Variants in MON2 observed in about 807,000 individuals in gnomAD.
MON2 encodes protein MON2 homolog.
In MON2, 84 loss-of-function variants were observed where a neutral mutation model predicts 208.6. That is an observed-to-expected ratio of 0.40 (90% CI 0.34 to 0.48). The LOEUF (loss-of-function observed/expected upper bound fraction) is 0.48. Ranked by LOEUF, MON2 falls within the 20% of genes least tolerant of loss-of-function variation. The pLI is 0.59. For synonymous variants in MON2, 660 were observed against 694.0 expected, an observed-to-expected ratio of 0.95 and a Z score of 0.77; for missense variants, 1,611 against 2,015.4, an observed-to-expected ratio of 0.80 and a Z score of 3.84.
At chr12:62,584,458 C>G (rs2075123238) in intron 32 of MON2, among the ~76,000 whole-genome samples, 1 of 152,120 alleles carries the variant, frequency 6.6e-6, no homozygotes, top group Non-Finnish European at 1.5e-5. Context: ...AATCTCAGCA[C>G]TTTGGGAAGC....
chr12:62,470,718 C>T (rs1315638666), intron 1 of MON2: 3 of 1,171,208 alleles, frequency 2.6e-6, no homozygotes, highest in Non-Finnish European at 3.2e-6. Context: ...TGAGGGGTAT[C>T]TAACTGAGCC....
At chr12:62,502,174 C>T (rs2070870975) in intron 7 of MON2, among the ~76,000 whole-genome samples, 1 of 152,018 alleles carries the variant, frequency 6.6e-6, no homozygotes, top group African/African-American at 2.4e-5. Flanking sequence ...GAGCCAAGAT[C>T]GCCTCACTTC....
intron 24 of MON2, among the ~76,000 whole-genome samples, chr12:62,554,569 A>G (rs1197536873): frequency 6.6e-6 from 1 of 152,178 alleles, no homozygotes; most frequent in East Asian, 1.9e-4. Context: ...ATCGTAGCAC[A>G]CTACAGCCTT....
chr12:62,588,384 T>TC (rs1555181058), intron 34 of MON2, among the ~76,000 whole-genome samples: 2 of 151,960 alleles, frequency 1.3e-5, no homozygotes, highest in Middle Eastern at 3.2e-3. Flanking sequence ...TTTTTTTTTT[T>TC]ACTATATTGT....
chr12:62,526,056 A>T lies in MON2; in HGVS notation c.1354A>T (p.Ile452Leu). The T allele has an allele frequency of 6.2e-7, 1 of 1,613,938 alleles. No homozygotes were observed. The highest frequency in any genetic ancestry group is 2.2e-5 in the East Asian group (1 of 44,866). The change falls in exon 11 of 35, where the codon ATA becomes TTA. Residue 452 changes from isoleucine to leucine, a missense_variant. By Grantham distance (5) the Ile-to-Leu change is conservative. Transcript: ENST00000393630. Reference protein sequence around the residue: ...LPAFEYRGTWIPILTITVQGS... With the variant: ...LPAFEYRGTWLPILTITVQGS... ...AGCATTTGAATATAGGGGAACCTGG[A>T]TACCTATTCTGACAATCACAGTTCA...
At chr12:62,585,103 A>ACC (rs2075167468) in intron 32 of MON2, among the ~76,000 whole-genome samples, 191 bp from the exon 33 acceptor site, 2 of 59,632 alleles carry the variant, frequency 3.4e-5, no homozygotes, top group South Asian at 1.0e-3. Flanking sequence ...ACACACACAC[A>ACC]CACACACAAA....
At chr12:62,490,718 T>TAAAAA (rs1466372388) in intron 2 of MON2, among the ~76,000 whole-genome samples, 1 of 152,202 alleles carries the variant, frequency 6.6e-6, no homozygotes, top group African/African-American at 2.4e-5. Context: ...GTTTTGTTGA[T>TAAAAA]CATTTATTCT....
In MON2 at chr12:62,494,062, T is replaced by A. The variant is rs762886717; in HGVS notation, c.303+20T>A. 3 of 1,600,816 alleles carry A rather than the reference T, an allele frequency of 1.9e-6. No homozygotes were observed. In the South Asian group the frequency reaches 3.3e-5, roughly 18 times the overall value. On this transcript the variant is annotated intron_variant, in intron 3 of 34. Transcript: ENST00000393630. ...TCTGAGGTAATATGAAGATTTTATC[T>A]AAACTTCACCTAAGAGTTGAATCAG...
intron 30 of MON2, among the ~76,000 whole-genome samples, chr12:62,576,242 T>C (rs1300795148): frequency 6.6e-6 from 1 of 152,058 alleles, no homozygotes; most frequent in African/African-American, 2.4e-5. Flanking sequence ...TATGATCTTG[T>C]TTATGGGATA....
intron 7 of MON2, among the ~76,000 whole-genome samples, chr12:62,504,623 C>G (rs1400948580): frequency 6.6e-6 from 1 of 152,160 alleles, no homozygotes; most frequent in African/African-American, 2.4e-5. Context: ...GAAGAATTCT[C>G]TGTGTAAGAT....
rs2075588995 is a variant in MON2 at position 62,599,562 on chromosome 12, G to A, written c.*6813G>A. The A allele has an allele frequency of 6.6e-6, 1 of 152,158 alleles. No homozygotes were observed. The highest frequency in any genetic ancestry group is 1.5e-5 in the Non-Finnish European group (1 of 68,016). The allele number at this position is 152,158 out of a possible 1,614,324, so 9.4% of individuals were successfully genotyped here. A position where few individuals can be genotyped will look rare whatever the true frequency, so the allele number is the denominator to read the frequency against. ...CCTAGTATGTGCAGGCCAAGGCTTT[G>A]CCTATATTATTCCCTTTAATCCTCA... On this transcript the variant is annotated 3_prime_UTR_variant, in exon 35 of 35. Coordinates refer to ENST00000393630, the MANE Select transcript of MON2 (RefSeq NM_015026.3).
Position 62,549,737 on chromosome 12 carries a change from T to A in MON2, c.2823T>A (p.Pro941=). The A allele has an allele frequency of 1.2e-6, 2 of 1,613,208 alleles. No individual in the cohort carries two copies. The highest frequency in any genetic ancestry group is 1.7e-6 in the Non-Finnish European group (2 of 1,179,602). ...TGACAGATTTTCTACCAACAATGCC[T>A]TGTACTTGCCTGCAAATAGTTGTAG... The part of the protein sequence containing the change: ...LVVTDFLPTM[P]CTCLQIVVDV... Residue 941 remains proline, a synonymous_variant, in exon 23 of 35, where the codon CCT becomes CCA. Coordinates refer to ENST00000393630, the MANE Select transcript of MON2 (RefSeq NM_015026.3).
chr12:62,538,034 A>G (rs561301037), intron 16 of MON2, 62 bp from the exon 17 acceptor site: 4 of 1,428,842 alleles, frequency 2.8e-6, no homozygotes, highest in East Asian at 2.4e-5. Flanking sequence ...TTTTAATTTT[A>G]GTTATTGGAC....
At chr12:62,497,675 C>T (rs1248783863) in intron 4 of MON2, among the ~76,000 whole-genome samples, 2 of 151,880 alleles carry the variant, frequency 1.3e-5, no homozygotes, top group African/African-American at 2.4e-5. Flanking sequence ...AGTGCAGTGG[C>T]GCAATTTTGG....
chr12:62,516,439 TC>T (rs1284181573), intron 8 of MON2, among the ~76,000 whole-genome samples: 1 of 152,148 alleles, frequency 6.6e-6, no homozygotes, highest in African/African-American at 2.4e-5. Context: ...GCGCCATGGC[TC>T]ACGCTTGTAG....
chr12:62,478,787 T>G (rs944983190), intron 1 of MON2, among the ~76,000 whole-genome samples: 1 of 152,152 alleles, frequency 6.6e-6, no homozygotes, highest in African/African-American at 2.4e-5. Flanking sequence ...AGACAGTGGA[T>G]GGATGGAGGA....
chr12:62,579,851 A>C (rs1340627371), intron 31 of MON2, among the ~76,000 whole-genome samples: 2 of 152,200 alleles, frequency 1.3e-5, no homozygotes. Flanking sequence ...AAAATAACAT[A>C]CTACATGTTA....
chr12:62,475,105 T>G (rs7962519), intron 1 of MON2, among the ~76,000 whole-genome samples: 17,380 of 152,224 alleles, frequency 0.11, 1,277 homozygotes, highest in Middle Eastern at 0.25. Context: ...TTTCCTAACC[T>G]TCCTTTTTAG....
intron 24 of MON2, among the ~76,000 whole-genome samples, chr12:62,553,562 T>C (rs1315110586): frequency 6.6e-6 from 1 of 152,244 alleles, no homozygotes; most frequent in East Asian, 1.9e-4. Flanking sequence ...GGTCTACTTA[T>C]AGATATGTAA....
Sources: gnomAD v4.1 joint callset for allele counts (sites outside exome capture counted in the v4.1 genomes callset) on GRCh38, gnomAD v4.1.1 for gene constraint, MANE v1.5 for transcripts, NCBI Gene and HGNC (gene_info 2026-07-23, HGNC 2026-07-21) for gene names.